The following IGSF22 variants were observed in gnomAD, a reference collection of about 807,000 sequenced individuals.
IGSF22 encodes the protein immunoglobulin superfamily, member 22.
IGSF22 carries 119 observed loss-of-function variants against 127.0 expected under a neutral mutation model. The ratio of observed to expected loss-of-function variants is 0.94; its 90% confidence interval spans 0.81 to 1.09. The LOEUF is 1.09. Among genes scored for constraint, IGSF22 ranks in the 50% least tolerant of loss-of-function variants. The pLI is 0.00. For synonymous variants in IGSF22, 568 were observed against 664.7 expected (o/e 0.85, Z 2.24); for missense variants, 1,518 against 1,716.6 (o/e 0.88, Z 2.04).
At chr11:18,704,655 G>T (rs543639922) in intron 22 of IGSF22, 117 bp from the exon 23 acceptor site, 20 of 699,780 alleles carry the variant, frequency 2.9e-5, no homozygotes, top group Non-Finnish European at 4.5e-5. Flanking sequence ...CCTTAATCTT[G>T]GGTTGGCAGA....
intron 1 of IGSF22, among the ~76,000 whole-genome samples, chr11:18,725,520 A>C (rs1421305777): frequency 6.6e-6 from 1 of 151,992 alleles, no homozygotes; most frequent in Non-Finnish European, 1.5e-5. Context: ...GGCCCACGAC[A>C]ACCTCTGCCT....
chr11:18,719,628 C>A, intron 7 of IGSF22, 88 bp downstream of exon 7: 1 of 1,358,484 alleles, frequency 7.4e-7, no homozygotes, highest in South Asian at 1.3e-5. Flanking sequence ...CTGGGGAGAC[C>A]TTCTTGCTGA....
rs1848496413 is a variant in IGSF22 at position 18,718,099 on chromosome 11, T to C, written c.811-6A>G. Reference sequence around the variant, plus strand: ...ATCCTCAGTGGCTCAGTACCCTGCCTCATGGAACAGGTAGGAAAGCTGATG... The same window carrying C: ...ATCCTCAGTGGCTCAGTACCCTGCCCCATGGAACAGGTAGGAAAGCTGATG... On this transcript the variant is annotated splice_region_variant and splice_polypyrimidine_tract_variant and intron_variant, in intron 8 of 22. Transcript: ENST00000513874. 1 of 1,613,062 alleles carries C rather than the reference T, an allele frequency of 6.2e-7. No individual in the cohort carries two copies. The highest frequency in any genetic ancestry group is 8.5e-7 in the Non-Finnish European group (1 of 1,179,302).
At chr11:18,706,688 T>G in intron 21 of IGSF22, 1 of 479,820 alleles carries the variant, frequency 2.1e-6, no homozygotes, top group Non-Finnish European at 3.7e-6. Flanking sequence ...CCCTCCACCG[T>G]CCTCTCTGCC....
In IGSF22 at chr11:18,719,266, T is replaced by G. The variant is rs560123826; in HGVS notation, c.696+450A>C. Among the ~76,000 whole-genome samples, 985 of 151,916 alleles carry G rather than the reference T, an allele frequency of 6.5e-3. 2 individuals carry two copies. The highest frequency in any genetic ancestry group is 0.011 in the Non-Finnish European group (768 of 67,958). Reference sequence around the variant, plus strand: ...TTCAAGCAATTCTCCTGTTTCAGCCTCCCAAGTAGCTGGGATTACAGGTGT... The same window carrying G: ...TTCAAGCAATTCTCCTGTTTCAGCCGCCCAAGTAGCTGGGATTACAGGTGT... On this transcript the variant is annotated intron_variant, in intron 7 of 22. Coordinates refer to ENST00000513874, the MANE Select transcript of IGSF22 (RefSeq NM_173588.4).
rs1848217614 is a variant in IGSF22 at position 18,705,935 on chromosome 11, G to A, written c.3792C>T (p.Thr1264=). 2.6e-6 allele frequency: 4 copies of A among 1,551,742 alleles called. No individual in the cohort carries two copies. The highest frequency in any genetic ancestry group is 3.5e-6 in the Non-Finnish European group (4 of 1,147,002). Residue 1264 remains threonine (T), a synonymous_variant, in exon 22 of 23, where the codon ACC becomes ACT. Transcript: ENST00000513874. ...GGATGACGAGGGTGCACACGCCGCTGGTGGAGTTGTACCAGAACTTGGAGT... is the reference window on the plus strand; with the variant it reads ...GGATGACGAGGGTGCACACGCCGCTAGTGGAGTTGTACCAGAACTTGGAGT... The part of the protein sequence containing the change: ...TANSKFWYNS[T]SGVCTLVIPT...
rs1005743250 is a variant in IGSF22 at position 18,706,546 on chromosome 11, C to T, written c.3580+368G>A. The stretch of plus-strand genomic sequence containing the variant: ...CTCAGTTCGAGTTTCCCGACGCGGC[C>T]CCCACCCTTAACCCCTAGCCTCCAG... On this transcript the variant is annotated intron_variant, in intron 21 of 22. Coordinates refer to ENST00000513874, the MANE Select transcript of IGSF22 (RefSeq NM_173588.4). The T allele has an allele frequency of 1.3e-4, 47 of 359,740 alleles. No individual in the cohort carries two copies. In the South Asian group the frequency reaches 2.1e-3, roughly 16 times the overall value. The allele number at this position is 359,740 out of a possible 1,614,324, so 22.3% of individuals were successfully genotyped here.
intron 19 of IGSF22, 103 bp from the exon 20 acceptor site, chr11:18,708,099 G>C: frequency 6.6e-7 from 1 of 1,524,476 alleles, no homozygotes; most frequent in African/African-American, 1.4e-5. Flanking sequence ...TCGCACTAGG[G>C]GTCTGGTGAG....
At position 18,719,863 on chromosome 11, in the gene IGSF22, C is replaced by T; in HGVS notation, c.549G>A (p.Lys183=). Residue 183 remains lysine, a synonymous_variant, in exon 7 of 23, where the codon AAG becomes AAA. Transcript: ENST00000513874. The stretch of plus-strand genomic sequence containing the variant: ...GCATCTCTTTCTCATTTGCCACCTT[C>T]TTCTGCTTCTTCTTGGGAGCAGGGG... ...RAPPAPKKKQ[K]KVANEKEMLE... 1 of 1,614,192 alleles carries T rather than the reference C, an allele frequency of 6.2e-7. No individual in the cohort carries two copies. The highest frequency in any genetic ancestry group is 8.5e-7 in the Non-Finnish European group (1 of 1,180,022).
In IGSF22 at chr11:18,705,925, A is replaced by C; in HGVS notation, c.3802T>G (p.Cys1268Gly). Residue 1268 changes from cysteine to glycine, a missense_variant, in exon 22 of 23, where the codon TGC becomes GGC. Around this residue, in one of 3 missense-constraint regions of IGSF22, gnomAD observed 1,456 missense variants for 1,644.9 expected, o/e 0.89. Transcript: ENST00000513874. ...KFWYNSTSGVCTLVIPTCTLK... is the reference protein window; with the variant it reads ...KFWYNSTSGVGTLVIPTCTLK... ...GTGCAGGTGGGGATGACGAGGGTGCACACGCCGCTGGTGGAGTTGTACCAG... is the reference window on the plus strand; with the variant it reads ...GTGCAGGTGGGGATGACGAGGGTGCCCACGCCGCTGGTGGAGTTGTACCAG... 1 of 1,551,714 alleles carries C rather than the reference A, an allele frequency of 6.4e-7. No individual in the cohort carries two copies. Among genetic ancestry groups the C allele is most frequent in the Non-Finnish European group, 8.7e-7 (1 of 1,146,980 alleles).
In IGSF22 at chr11:18,721,914, G is replaced by A. The variant is rs1250102380; in HGVS notation, c.237C>T (p.Pro79=). Residue 79 remains proline (P), a synonymous_variant, in exon 3 of 23, where the codon CCC becomes CCT. Coordinates refer to ENST00000513874, the MANE Select transcript of IGSF22 (RefSeq NM_173588.4). ...GAGCCACAGGCAGCAACACACCCTC[G>A]GGCGCGGTGACCGGTTGAGGCTTCT... ...FVEKPQPVTA[P]EGDKAVFRAR... 8 of 1,612,852 alleles carry A rather than the reference G, an allele frequency of 5.0e-6. No individual in the cohort carries two copies. The highest frequency in any genetic ancestry group is 6.8e-6 in the Non-Finnish European group (8 of 1,180,046).
rs1209476688 is a variant in IGSF22 at position 18,721,927 on chromosome 11, G to A, written c.224C>T (p.Pro75Leu). The A allele has an allele frequency of 4.3e-6, 7 of 1,613,488 alleles. No individual in the cohort carries two copies. The highest frequency in any genetic ancestry group is 5.1e-6 in the Non-Finnish European group (6 of 1,180,042). ...SVPEFVEKPQ[P>L]VTAPEGDKAV... is the part of the protein sequence containing the mutation. Reference sequence around the variant, plus strand: ...CAACACACCCTCGGGCGCGGTGACCGGTTGAGGCTTCTCCACGAACTCAGG... The same window carrying A: ...CAACACACCCTCGGGCGCGGTGACCAGTTGAGGCTTCTCCACGAACTCAGG... Residue 75 changes from proline (P) to leucine (L), a missense_variant, in exon 3 of 23, where the codon CCG becomes CTG. Physicochemically the swap from Pro to Leu is moderately conservative, Grantham distance 98. Coordinates refer to ENST00000513874, the MANE Select transcript of IGSF22 (RefSeq NM_173588.4).
intron 21 of IGSF22, 69 bp downstream of exon 21, chr11:18,706,845 T>G: frequency 1.6e-6 from 2 of 1,253,136 alleles, no homozygotes; most frequent in South Asian, 1.6e-5. Flanking sequence ...GGGTACCCTT[T>G]GGGACCCTTA....
intron 20 of IGSF22, chr11:18,707,419 T>C: frequency 1.8e-6 from 1 of 548,838 alleles, no homozygotes; most frequent in Non-Finnish European, 3.2e-6. Flanking sequence ...GAGACTTCTT[T>C]CCTCAATTGC....
At chr11:18,715,335 G>A in intron 11 of IGSF22, 97 bp downstream of exon 11, 5 of 1,280,136 alleles carry the variant, frequency 3.9e-6, no homozygotes, top group Non-Finnish European at 5.5e-6. Context: ...TCTACAGGAG[G>A]GTTGGAGTTA....
rs1411321855 is a variant in IGSF22 at position 18,709,834 on chromosome 11, A to G, written c.2702-151T>C. 2 of 728,386 alleles carry G rather than the reference A, an allele frequency of 2.7e-6. No individual in the cohort carries two copies. Among genetic ancestry groups the G allele is most frequent in the Non-Finnish European group, 4.4e-6 (2 of 453,020 alleles). The allele number at this position is 728,386 out of a possible 1,614,324, so 45.1% of individuals were successfully genotyped here. A position where few individuals can be genotyped will look rare whatever the true frequency, so the allele number is the denominator to read the frequency against. ...ACACCCTTAGTACCTAGCCTTATACACTCAACCTCCAAATTCAAATTCAGT... is the reference window on the plus strand; with the variant it reads ...ACACCCTTAGTACCTAGCCTTATACGCTCAACCTCCAAATTCAAATTCAGT... On this transcript the variant is annotated intron_variant, in intron 17 of 22. Transcript: ENST00000513874. The surrounding 1 kb of genome is among the most constrained non-coding windows in gnomAD (Gnocchi z 4.8).
Position 18,720,220 on chromosome 11 carries a change from A to G in IGSF22, c.444T>C (p.Asp148=). 6.2e-7 allele frequency: 1 copy of G among 1,614,240 alleles called. No homozygotes were observed. Among genetic ancestry groups the G allele is most frequent in the Non-Finnish European group, 8.5e-7 (1 of 1,180,022 alleles). ...YKCIASNDHA[D]AIYTVSLLVT... is the part of the protein sequence containing the mutation. ...CCAGCAGAGATACGGTATAGATGGC[A>G]TCTGCATGGTCATTGCTTGCAATGC... The change falls in exon 5 of 23, where the codon GAT becomes GAC. Residue 148 remains aspartate, a synonymous_variant. Coordinates refer to ENST00000513874, the MANE Select transcript of IGSF22 (RefSeq NM_173588.4).
Position 18,708,008 on chromosome 11 carries a change from C to G in IGSF22, c.3088-12G>C. 1 of 1,613,806 alleles carries G rather than the reference C, an allele frequency of 6.2e-7. No individual in the cohort carries two copies. On this transcript the variant is annotated splice_polypyrimidine_tract_variant and intron_variant, in intron 19 of 22. Transcript: ENST00000513874. ...GGTGGTGGTGAGCCCTGAGTAGTGA[C>G]AGGAGATGGCACAACTGGTCACACA...
chr11:18,710,345 C>T lies in IGSF22; in HGVS notation c.2683G>A (p.Val895Met), dbSNP rs374133249. Residue 895 changes from valine to methionine, a missense_variant, in exon 17 of 23, where the codon GTG becomes ATG. Transcript: ENST00000513874. ...GQPSVPSSSV[V>M]AKDPVKPPGL... Reference sequence around the variant, plus strand: ...TACTCACTAACAGGATCCTTGGCCACTACTGAGCTGGATGGCACACTGGGC... The same window carrying T: ...TACTCACTAACAGGATCCTTGGCCATTACTGAGCTGGATGGCACACTGGGC... 44 of 1,614,084 alleles carry T rather than the reference C, an allele frequency of 2.7e-5. No homozygotes were observed. Among genetic ancestry groups the T allele is most frequent in the Non-Finnish European group, 3.6e-5 (42 of 1,180,050 alleles).
Sources: allele counts gnomAD v4.1 joint callset (sites outside exome capture counted in the v4.1 genomes callset), GRCh38; gene constraint gnomAD v4.1.1; regional missense constraint gnomAD v4.1.1; non-coding constraint Gnocchi (gnomAD v3.1); transcripts MANE v1.5; gene names NCBI Gene and HGNC (gene_info 2026-07-23, HGNC 2026-07-21).